Variants in THADA observed in about 807,000 individuals in gnomAD.
THADA encodes the protein THADA armadillo repeat containing, also known as tRNA (32-2'-O)-methyltransferase regulator THADA.
THADA carries 213 observed loss-of-function variants against 219.8 expected under a neutral mutation model. That is an observed-to-expected ratio of 0.97 (90% CI 0.87 to 1.09). THADA has a LOEUF of 1.09. Ranked by LOEUF, THADA falls within the 50% of genes least tolerant of loss-of-function variation. The pLI, the probability that THADA is intolerant of heterozygous loss-of-function variation, is 0.00. For synonymous variants in THADA, 1,018 were observed against 828.9 expected (o/e 1.23, Z -3.92); for missense variants, 2,956 against 2,311.3 (o/e 1.28, Z -5.72).
At chr2:43,352,028 A>G (rs2104561552) in intron 29 of THADA, among the ~76,000 whole-genome samples, 1 of 152,364 alleles carries the variant, frequency 6.6e-6, no homozygotes, top group African/African-American at 2.4e-5. Flanking sequence ...AAAATTAACT[A>G]AACACTAACA....
chr2:43,527,446 T>G (rs2103725376), intron 22 of THADA, among the ~76,000 whole-genome samples: 1 of 152,332 alleles, frequency 6.6e-6, no homozygotes. Flanking sequence ...GTCTACTTAC[T>G]GTTCTTTTAA....
intron 21 of THADA, among the ~76,000 whole-genome samples, chr2:43,534,518 C>A (rs1470211275): frequency 1.3e-5 from 2 of 152,034 alleles, no homozygotes; most frequent in Admixed American, 1.3e-4. Context: ...ATCCTCTGCT[C>A]TAATTTTTAC....
intron 30 of THADA, among the ~76,000 whole-genome samples, chr2:43,338,871 T>C (rs1666773005): frequency 1.3e-5 from 2 of 152,200 alleles, no homozygotes; most frequent in African/African-American, 4.8e-5. Flanking sequence ...TATTCAAAAG[T>C]GGAATTGTTG....
chr2:43,470,165 C>T (rs745611530), intron 26 of THADA, among the ~76,000 whole-genome samples: 1 of 150,326 alleles, frequency 6.7e-6, no homozygotes, highest in Admixed American at 6.6e-5. Context: ...CTGAGATCGC[C>T]CCACTGCACT....
chr2:43,237,120 A>C (rs1668125579), intron 36 of THADA, among the ~76,000 whole-genome samples: 1 of 151,758 alleles, frequency 6.6e-6, no homozygotes, highest in South Asian at 2.1e-4. Flanking sequence ...TGGTACTGGC[A>C]TAAGGATAGA....
chr2:43,371,600 T>G (rs1043378793), intron 29 of THADA, among the ~76,000 whole-genome samples: 7 of 152,212 alleles, frequency 4.6e-5, no homozygotes, highest in Non-Finnish European at 1.0e-4. Context: ...CATGCATTCT[T>G]TTCTTTTTCA....
rs201907462 is a variant in THADA at position 43,551,862 on chromosome 2, C to G, written c.2874G>C (p.Arg958Ser). ...TGACTGGAGACACCACAGTGGAAAG[C>G]CTGTAGGACATCAAAAGGAGCTTCT... ...VVEKLLLMSY[R>S]LSTVVSPVIQ... Residue 958 changes from arginine (R) to serine (S), a missense_variant, in exon 19 of 38, where the codon AGG (arginine) becomes AGC (serine). Arg to Ser is a moderately radical substitution (Grantham distance 110). Coordinates refer to ENST00000405975, the MANE Select transcript of THADA (RefSeq NM_022065.5). 94 of 1,613,746 alleles carry G rather than the reference C, an allele frequency of 5.8e-5. No individual in the cohort carries two copies. Among genetic ancestry groups the G allele is most frequent in the Admixed American group, 1.7e-5 (1 of 59,952 alleles).
At position 43,280,439 on chromosome 2, in the gene THADA, C is replaced by T. The variant is rs567499777; in HGVS notation, c.5165-543G>A. Among the ~76,000 whole-genome samples, 11 of 152,244 alleles carry T rather than the reference C, an allele frequency of 7.2e-5. No individual in the cohort carries two copies. The South Asian group carries it at 2.3e-3, about 32-fold the overall frequency. On this transcript the variant is annotated intron_variant, in intron 35 of 37. Coordinates refer to ENST00000405975, the MANE Select transcript of THADA (RefSeq NM_022065.5). The stretch of plus-strand genomic sequence containing the variant: ...ACGAGGTCAGGAGATTGAGACCATC[C>T]TGACCCATATGGTGAAACCCCGTCT...
intron 31 of THADA, among the ~76,000 whole-genome samples, chr2:43,302,750 T>G (rs537775314): frequency 1.5e-4 from 23 of 152,290 alleles, no homozygotes; most frequent in African/African-American, 5.5e-4. Context: ...TAAAGAAATT[T>G]GTTTTTAAGA....
chr2:43,566,812 A>G lies in THADA; in HGVS notation c.2197T>C (p.Ser733Pro), dbSNP rs1209992923. 1.4e-6 allele frequency: 2 copies of G among 1,456,612 alleles called. No homozygotes were observed. Among genetic ancestry groups the G allele is most frequent in the East Asian group, 4.9e-5 (2 of 40,592 alleles). The allele number at this position is 1,456,612 out of a possible 1,614,324, so 90.2% of individuals were successfully genotyped here. Residue 733 changes from serine (S) to proline (P), a missense_variant, in exon 15 of 38, where the codon TCA (serine) becomes CCA (proline). By Grantham distance (74) the Ser-to-Pro change is moderately conservative (BLOSUM62 -1). Transcript: ENST00000405975. Reference sequence around the variant, plus strand: ...TCAAAAAGACTGTTACAAATGGATGACATGAAATTCTTAAAAAAAAAAAAA... The same window carrying G: ...TCAAAAAGACTGTTACAAATGGATGGCATGAAATTCTTAAAAAAAAAAAAA... ...VSLQQYKNFMSSICNSLFEAL... is the reference protein window; with the variant it reads ...VSLQQYKNFMPSICNSLFEAL...
chr2:43,455,218 A>G (rs1175660975), intron 26 of THADA, among the ~76,000 whole-genome samples: 1 of 151,958 alleles, frequency 6.6e-6, no homozygotes, highest in East Asian at 1.9e-4. Flanking sequence ...TATGTACTGA[A>G]ATTTTTACTT....
At chr2:43,476,628 GACA>G (rs1045910083) in intron 26 of THADA, among the ~76,000 whole-genome samples, 7 of 152,184 alleles carry the variant, frequency 4.6e-5, no homozygotes, top group African/African-American at 1.7e-4. Context: ...GATTAGGAAT[GACA>G]ACAACAGAGT....
At chr2:43,295,918 GTTTTTTTTTTT>G (rs35182242) in intron 31 of THADA, among the ~76,000 whole-genome samples, 2 of 128,368 alleles carry the variant, frequency 1.6e-5, no homozygotes, top group African/African-American at 5.8e-5. Context: ...AACCTCTACT[GTTTTTTTTTTT>G]TTTTTTTTGA....
chr2:43,296,063 G>A (rs1418354692), intron 31 of THADA, among the ~76,000 whole-genome samples: 1 of 152,054 alleles, frequency 6.6e-6, no homozygotes, highest in Admixed American at 6.6e-5. Context: ...GGGATTACAG[G>A]AGCATGCCAC....
At chr2:43,547,480 C>G (rs996799552) in intron 20 of THADA, among the ~76,000 whole-genome samples, 9 of 152,224 alleles carry the variant, frequency 5.9e-5, no homozygotes, top group Non-Finnish European at 1.3e-4. Context: ...TGGTTCCATT[C>G]TCCCTGTCAC....
chr2:43,257,417 A>C (rs6749927), intron 36 of THADA, among the ~76,000 whole-genome samples: 2 of 152,010 alleles, frequency 1.3e-5, no homozygotes, highest in Non-Finnish European at 2.9e-5. Flanking sequence ...AGGAGAGAGG[A>C]GGCTTCTCCC....
chr2:43,302,100 TCAAGTGATCCTCC>T (rs1676332444), intron 31 of THADA, among the ~76,000 whole-genome samples: 1 of 152,008 alleles, frequency 6.6e-6, no homozygotes, highest in Non-Finnish European at 1.5e-5. Context: ...ACTCCTAGGC[TCAAGTGATCCTCC>T]CACATCTGCC....
intron 30 of THADA, among the ~76,000 whole-genome samples, chr2:43,332,892 G>A (rs1665953646): frequency 6.6e-6 from 1 of 152,202 alleles, no homozygotes; most frequent in Non-Finnish European, 1.5e-5. Flanking sequence ...TTCTTGGTGT[G>A]TGTGCAGTTG....
intron 20 of THADA, among the ~76,000 whole-genome samples, chr2:43,545,782 T>C (rs1163062116): frequency 6.6e-6 from 1 of 152,096 alleles, no homozygotes; most frequent in Non-Finnish European, 1.5e-5. Flanking sequence ...TTATTAGTCT[T>C]GCTAGTGGTC....
Sources: allele counts gnomAD v4.1 joint callset (sites outside exome capture counted in the v4.1 genomes callset), GRCh38; gene constraint gnomAD v4.1.1; transcripts MANE v1.5; gene names NCBI Gene and HGNC (gene_info 2026-07-23, HGNC 2026-07-21).